Variants in DISC1 observed in about 807,000 individuals in gnomAD.
The protein encoded by DISC1 is disrupted in schizophrenia 1 protein.
A neutral mutation model predicts 84.5 loss-of-function variants in DISC1; 57 were observed. That is an observed-to-expected ratio of 0.67 (90% CI 0.55 to 0.84). The LOEUF is 0.84. Among genes scored for constraint, DISC1 ranks in the 40% least tolerant of loss-of-function variants. DISC1 has a pLI of 0.00. For missense variants in DISC1, 1,000 were observed against 1,057.8 expected, an observed-to-expected ratio of 0.95 and a Z score of 0.76; for synonymous variants, 411 against 415.2, an observed-to-expected ratio of 0.99 and a Z score of 0.12.
chr1:231,898,368 G>A (rs2126020735), intron 9 of DISC1, among the ~76,000 whole-genome samples: 1 of 152,310 alleles, frequency 6.6e-6, no homozygotes, highest in South Asian at 2.1e-4. Flanking sequence ...CATGCAGCTG[G>A]ACAGACTCTG....
chr1:231,958,856 G>A lies in DISC1; in HGVS notation c.2010G>A (p.Lys670=). 2.5e-6 allele frequency: 4 copies of A among 1,613,702 alleles called. No individual in the cohort carries two copies. The highest frequency in any genetic ancestry group is 3.4e-6 in the Non-Finnish European group (4 of 1,179,824). The change falls in exon 10 of 13, where the codon AAG becomes AAA. Residue 670 remains lysine, a synonymous_variant. Transcript: ENST00000439617. ...CAAGTGTGAAGGAAAATACTATGAA[G>A]TACATGGAAACACTTAAGAATAAAC... is the stretch of plus-strand genomic sequence containing the variant. ...YETSVKENTM[K]YMETLKNKLC...
intron 10 of DISC1, among the ~76,000 whole-genome samples, chr1:231,997,691 G>C (rs1464495820): frequency 6.6e-6 from 1 of 152,002 alleles, no homozygotes; most frequent in East Asian, 1.9e-4. Flanking sequence ...TTCCCCAAGG[G>C]GTAGGTAATT....
chr1:231,760,890 C>T (rs1321024658), intron 4 of DISC1, among the ~76,000 whole-genome samples: 1 of 152,188 alleles, frequency 6.6e-6, no homozygotes, highest in Non-Finnish European at 1.5e-5. Context: ...CACAGGCGTG[C>T]ACCCCTTAAC....
At chr1:231,893,274 G>T (rs898423856) in intron 9 of DISC1, among the ~76,000 whole-genome samples, 1 of 152,080 alleles carries the variant, frequency 6.6e-6, no homozygotes, top group Non-Finnish European at 1.5e-5. Flanking sequence ...AAAAAAACTT[G>T]AACCCAGGTT....
chr1:231,690,885 CAGGG>C (rs1337023429), intron 1 of DISC1, among the ~76,000 whole-genome samples: 1 of 152,070 alleles, frequency 6.6e-6, no homozygotes, highest in Non-Finnish European at 1.5e-5. Flanking sequence ...GGCCAGTGGC[CAGGG>C]GATGGTTTTC....
intron 9 of DISC1, among the ~76,000 whole-genome samples, chr1:231,948,098 C>T (rs968433445): frequency 6.6e-6 from 1 of 151,688 alleles, no homozygotes; most frequent in Non-Finnish European, 1.5e-5. Flanking sequence ...CCCAGCAATC[C>T]CATATACCCA....
chr1:231,914,467 C>G (rs541595979), intron 9 of DISC1, among the ~76,000 whole-genome samples: 1 of 152,316 alleles, frequency 6.6e-6, no homozygotes, highest in South Asian at 2.1e-4. Flanking sequence ...CACAGCTCTG[C>G]TCGGCTTCTT....
At chr1:232,011,984 A>T (rs1668061381) in intron 11 of DISC1, among the ~76,000 whole-genome samples, 1 of 152,204 alleles carries the variant, frequency 6.6e-6, no homozygotes, top group Admixed American at 6.5e-5. Flanking sequence ...ACGACATAAG[A>T]GGATAATGAA....
intron 9 of DISC1, among the ~76,000 whole-genome samples, chr1:231,953,945 C>T (rs1405642107): frequency 6.6e-6 from 1 of 152,120 alleles, no homozygotes; most frequent in Non-Finnish European, 1.5e-5. Context: ...TACTCATTTC[C>T]CATGCTATTT....
intron 8 of DISC1, 64 bp downstream of exon 8, chr1:231,800,274 C>G: frequency 8.1e-7 from 1 of 1,231,028 alleles, no homozygotes; most frequent in South Asian, 1.2e-5. Context: ...ACCAGCACAT[C>G]GTGTTTTGTC....
intron 12 of DISC1, among the ~76,000 whole-genome samples, chr1:232,032,475 A>C (rs976763035): frequency 6.6e-6 from 1 of 152,210 alleles, no homozygotes; most frequent in African/African-American, 2.4e-5. Flanking sequence ...AACAAGTTAC[A>C]TGCTTACCTA....
At chr1:231,986,537 A>G (rs776578379) in intron 10 of DISC1, among the ~76,000 whole-genome samples, 1 of 152,294 alleles carries the variant, frequency 6.6e-6, no homozygotes, top group South Asian at 2.1e-4. Flanking sequence ...GTTCACAGAG[A>G]TTGTAAATCC....
At chr1:231,827,223 T>A (rs1406104811) in intron 9 of DISC1, among the ~76,000 whole-genome samples, 1 of 152,028 alleles carries the variant, frequency 6.6e-6, no homozygotes, top group South Asian at 2.1e-4. Context: ...CCTGACCTCA[T>A]GATCCACCTG....
intron 9 of DISC1, among the ~76,000 whole-genome samples, chr1:231,820,279 T>G (rs187839320): frequency 2.6e-5 from 4 of 152,300 alleles, no homozygotes; most frequent in Admixed American, 2.6e-4. Flanking sequence ...ATTGAAGCTT[T>G]TATTTATTAA....
intron 10 of DISC1, among the ~76,000 whole-genome samples, chr1:232,007,632 G>A (rs556550548): frequency 6.6e-6 from 1 of 152,172 alleles, no homozygotes; most frequent in Non-Finnish European, 1.5e-5. Flanking sequence ...CTCCTAGGTG[G>A]AAGAGACTTA....
intron 1 of DISC1, among the ~76,000 whole-genome samples, chr1:231,681,087 T>C (rs1406321180): frequency 6.6e-6 from 1 of 152,244 alleles, no homozygotes; most frequent in Non-Finnish European, 1.5e-5. Context: ...CATCTGTAGC[T>C]AGCAGCACCC....
chr1:231,762,252 T>C (rs201534292), intron 4 of DISC1, among the ~76,000 whole-genome samples: 1 of 32,666 alleles, frequency 3.1e-5, no homozygotes, highest in Non-Finnish European at 6.5e-5. Flanking sequence ...TCTTTTCTTT[T>C]CTTTATTTTC....
At chr1:231,933,599 C>T (rs949686348) in intron 9 of DISC1, among the ~76,000 whole-genome samples, 3 of 152,142 alleles carry the variant, frequency 2.0e-5, no homozygotes, top group East Asian at 1.9e-4. Context: ...TTAAAACATT[C>T]GTTCTCATCC....
chr1:231,720,672 C>T (rs915978946), intron 3 of DISC1, among the ~76,000 whole-genome samples: 9 of 152,200 alleles, frequency 5.9e-5, no homozygotes, highest in African/African-American at 1.9e-4. Context: ...TCATTTTTGC[C>T]GTTCCCTAAC....
Sources: gnomAD v4.1 joint callset for allele counts (sites outside exome capture counted in the v4.1 genomes callset) on GRCh38, gnomAD v4.1.1 for gene constraint, MANE v1.5 for transcripts, NCBI Gene and HGNC (gene_info 2026-07-23, HGNC 2026-07-21) for gene names.